Variants in NME9 observed in about 807,000 individuals in gnomAD.
NME9 encodes NME/NM23 family member 9, also known as thioredoxin domain-containing protein 6.
In NME9, 48 loss-of-function variants were observed where a neutral mutation model predicts 44.4. The observed-to-expected ratio is 1.08, with a 90% confidence interval of 0.86 to 1.37. The LOEUF (loss-of-function observed/expected upper bound fraction) is 1.37. Among genes scored for constraint, NME9 ranks in the 40% most tolerant of loss-of-function variants. The pLI, the probability that NME9 is intolerant of heterozygous loss-of-function variation, is 0.00. For synonymous variants in NME9, 139 were observed against 147.1 expected (o/e 0.94, Z 0.40); for missense variants, 325 against 405.2 (o/e 0.80, Z 1.70).
chr3:138,302,209 A>G (rs996851049), intron 10 of NME9, among the ~76,000 whole-genome samples: 3 of 152,166 alleles, frequency 2.0e-5, no homozygotes, highest in African/African-American at 7.2e-5. Flanking sequence ...TATCAGAATA[A>G]ATGGGCAGAA....
intron 8 of NME9, among the ~76,000 whole-genome samples, chr3:138,289,401 G>A (rs1358225808): frequency 6.6e-6 from 1 of 152,194 alleles, no homozygotes; most frequent in African/African-American, 2.4e-5. Flanking sequence ...CTGATGAGGA[G>A]GATGGTGAGA....
downstream of NME9, chr3:138,298,148 T>C (rs895305172): frequency 2.6e-5 from 4 of 152,250 alleles, no homozygotes; most frequent in African/African-American, 9.6e-5. Flanking sequence ...CATGGTATTG[T>C]GTCTACACCC....
chr3:138,287,662 G>A (rs773699787), intron 8 of NME9: 8 of 456,574 alleles, frequency 1.8e-5, no homozygotes, highest in Admixed American at 9.4e-5. Context: ...CCTTAAAAGT[G>A]TTGGCAGTTA....
At chr3:138,304,250 C>A (rs1421946610) in intron 9 of NME9, among the ~76,000 whole-genome samples, 1 of 152,160 alleles carries the variant, frequency 6.6e-6, no homozygotes, top group East Asian at 1.9e-4. Context: ...TGTTCCTGGT[C>A]CCCTACACCT....
intron 2 of NME9, among the ~76,000 whole-genome samples, chr3:138,321,501 A>G (rs775112256): frequency 1.3e-4 from 20 of 152,222 alleles, no homozygotes; most frequent in Non-Finnish European, 7.3e-5. Context: ...TACTTTGGCC[A>G]TTCAGTTTCA....
intron 8 of NME9, among the ~76,000 whole-genome samples, chr3:138,277,073 A>T (rs1420789310): frequency 2.6e-5 from 4 of 152,232 alleles, no homozygotes; most frequent in Non-Finnish European, 5.9e-5. Flanking sequence ...GCAAAAAAAG[A>T]TAGCACATAT....
At chr3:138,284,906 T>A (rs1469145916) in intron 8 of NME9, among the ~76,000 whole-genome samples, 1 of 151,952 alleles carries the variant, frequency 6.6e-6, no homozygotes, top group East Asian at 1.9e-4. Context: ...CCTTTACCTG[T>A]TTGCTTCTAA....
At chr3:138,306,543 A>G (rs989403623) in intron 6 of NME9, 63 bp from the exon 7 acceptor site, 73 of 958,512 alleles carry the variant, frequency 7.6e-5, no homozygotes, top group Non-Finnish European at 1.1e-4. Context: ...CCATCCACAA[A>G]AAACAATGCA....
At chr3:138,269,289 TGACAA>T (rs1248752599) in intron 8 of NME9, among the ~76,000 whole-genome samples, 1 of 152,222 alleles carries the variant, frequency 6.6e-6, no homozygotes, top group Non-Finnish European at 1.5e-5. Context: ...ATAATCCTCT[TGACAA>T]GTGACCTTTA....
rs752252169 is a variant in NME9, at chr3:138,315,566, G to A, written c.345C>T (p.Ala115=). ...LQKTILDQLE[A]EKKVLAEGRE... ...TGCCTTCAGCCAGCACTTTCTTTTC[G>A]GCCTCCAGCTGGTCTAGGATGGTTT... The change falls in exon 5 of 11, where the codon GCC becomes GCT. Residue 115 remains alanine, a synonymous_variant. Transcript: ENST00000333911. The A allele has an allele frequency of 7.2e-6, 11 of 1,536,410 alleles. No homozygotes were observed. Among genetic ancestry groups the A allele is most frequent in the Admixed American group, 2.0e-5 (1 of 50,964 alleles).
chr3:138,307,406 A>G (rs1258915308), intron 6 of NME9, among the ~76,000 whole-genome samples: 3 of 152,236 alleles, frequency 2.0e-5, no homozygotes, highest in East Asian at 3.8e-4. Context: ...CACTCTCCAC[A>G]GAATCATCAT....
intron 6 of NME9, among the ~76,000 whole-genome samples, chr3:138,310,015 CA>C (rs764498144): frequency 8.9e-4 from 116 of 130,060 alleles, no homozygotes; most frequent in Admixed American, 1.1e-3. Context: ...AACTCCATCT[CA>C]AAAAAAAAAA....
Position 138,301,209 on chromosome 3 carries a change from T to TTAG in NME9, c.*430_*431insCTA. ...CTATTCTCTTTCTTTACTTTTTTTT[T>TTAG]TATTATTATTATTAAGATGGAGTCT... On this transcript the variant is annotated 3_prime_UTR_variant, in exon 11 of 11. Transcript: ENST00000333911. The TTAG allele has an allele frequency of 6.9e-6, 5 of 722,080 alleles. No homozygotes were observed. Among genetic ancestry groups the TTAG allele is most frequent in the Non-Finnish European group, 8.5e-6 (5 of 590,032 alleles). 44.7% of individuals were successfully genotyped at this position (722,080 alleles called of 1,614,324 possible). A position where few individuals can be genotyped will look rare whatever the true frequency, so the allele number is the denominator to read the frequency against.
intron 6 of NME9, among the ~76,000 whole-genome samples, chr3:138,309,703 C>T (rs2052553904): frequency 6.6e-6 from 1 of 151,620 alleles, no homozygotes; most frequent in Admixed American, 6.6e-5. Flanking sequence ...CACTGCACTC[C>T]AGCCTGGGTG....
At chr3:138,329,221 T>G in intron 1 of NME9, 82 bp downstream of exon 1, 1 of 1,256,262 alleles carries the variant, frequency 8.0e-7, no homozygotes, top group Non-Finnish European at 1.1e-6. Context: ...AATGTCACTT[T>G]TATACTGCAA....
intron 8 of NME9, among the ~76,000 whole-genome samples, chr3:138,265,560 A>T (rs558523208): frequency 6.6e-6 from 1 of 152,220 alleles, no homozygotes; most frequent in Non-Finnish European, 1.5e-5. Context: ...GGGGGCATCA[A>T]TGTGGCAGAA....
chr3:138,277,639 T>A (rs532884451), intron 8 of NME9, among the ~76,000 whole-genome samples: 54 of 152,284 alleles, frequency 3.5e-4, no homozygotes, highest in African/African-American at 1.1e-3. Flanking sequence ...TAGCTAAAAA[T>A]TTTTTTAAAA....
chr3:138,278,993 C>T (rs9846722), intron 8 of NME9, among the ~76,000 whole-genome samples: 83,824 of 151,928 alleles, frequency 0.55, 23,500 homozygotes, highest in East Asian at 0.83. Context: ...AGCTTTATTT[C>T]TTACTTTCCA....
At chr3:138,308,004 A>G (rs561096193) in intron 6 of NME9, among the ~76,000 whole-genome samples, 1 of 152,270 alleles carries the variant, frequency 6.6e-6, no homozygotes, top group South Asian at 2.1e-4. Context: ...GGTGGCCTAG[A>G]GTGTGGACAA....
Sources: allele counts gnomAD v4.1 joint callset (sites outside exome capture counted in the v4.1 genomes callset), GRCh38; gene constraint gnomAD v4.1.1; transcripts MANE v1.5; gene names NCBI Gene and HGNC (gene_info 2026-07-23, HGNC 2026-07-21).